MECR: variants seen among roughly 807,000 people sequenced by gnomAD.
MECR encodes the protein enoyl-[acyl-carrier-protein] reductase, mitochondrial.
A neutral mutation model predicts 49.1 loss-of-function variants in MECR; 37 were observed. The ratio of observed to expected loss-of-function variants is 0.75; its 90% confidence interval spans 0.58 to 0.99. The LOEUF (loss-of-function observed/expected upper bound fraction) is 0.99. Ranked by LOEUF, MECR falls within the 50% of genes least tolerant of loss-of-function variation. MECR has a pLI of 0.00. For missense variants in MECR, 470 were observed against 479.6 expected (o/e 0.98, Z 0.19); for synonymous variants, 198 against 191.1 (o/e 1.04, Z -0.30).
chr1:29,170,817 C>T, the MECR span: 6 of 152,106 alleles, frequency 3.9e-5, no homozygotes, highest in Non-Finnish European at 8.8e-5. Flanking sequence ...ACTTCCTCTT[C>T]TCTCTAGGTC....
chr1:29,229,125 G>A (rs1407103502), intron 1 of MECR: 1 of 152,108 alleles, frequency 6.6e-6, no homozygotes, highest in Admixed American at 6.5e-5. Context: ...TTTCTATAAT[G>A]CGGGATGTGG....
chr1:29,198,356 T>C (rs1483960978), intron 7 of MECR, among the ~76,000 whole-genome samples: 1 of 152,222 alleles, frequency 6.6e-6, no homozygotes, highest in Non-Finnish European at 1.5e-5. Context: ...AGGCCTGGAT[T>C]GTTTTTCACG....
chr1:29,187,025 C>T, the MECR span, among the ~76,000 whole-genome samples: 1 of 152,182 alleles, frequency 6.6e-6, no homozygotes, highest in Non-Finnish European at 1.5e-5. Flanking sequence ...CAGGAATGTT[C>T]CTGCCTTCAG....
chr1:29,193,893 T>A lies in MECR; in HGVS notation c.*129A>T, dbSNP rs1673327918. The A allele has an allele frequency of 8.6e-7, 1 of 1,167,456 alleles. No homozygotes were observed. The highest frequency in any genetic ancestry group is 1.5e-5 in the African/African-American group (1 of 64,868). The allele number at this position is 1,167,456 out of a possible 1,614,324, so 72.3% of individuals were successfully genotyped here. On this transcript the variant is annotated 3_prime_UTR_variant, in exon 10 of 10. Transcript: ENST00000263702. ...GGGAAAACCGTGGCTGGCTTCACCA[T>A]CCTCCTAATAGGAAGAGGCAGTGAG...
chr1:29,205,891 G>A (rs1676467923), intron 4 of MECR, among the ~76,000 whole-genome samples: 1 of 152,068 alleles, frequency 6.6e-6, no homozygotes, highest in Non-Finnish European at 1.5e-5. Flanking sequence ...CTCCATCTCT[G>A]TCTCACTCTC....
At chr1:29,226,310 G>C (rs1231088901) in intron 1 of MECR, among the ~76,000 whole-genome samples, 1 of 152,172 alleles carries the variant, frequency 6.6e-6, no homozygotes, top group Admixed American at 6.5e-5. Context: ...CAAAAGCCTC[G>C]GGATCCTGAA....
Position 29,230,801 on chromosome 1 carries a change from C to A in MECR, c.106G>T (p.Ala36Ser). The A allele has an allele frequency of 6.2e-7, 1 of 1,606,536 alleles. No homozygotes were observed. Among genetic ancestry groups the A allele is most frequent in the Non-Finnish European group, 8.5e-7 (1 of 1,177,476 alleles). The part of the protein sequence containing the change: ...CHGPAASSYS[A>S]SAEPARVRAL... Reference sequence around the variant, plus strand: ...CGGACCCGGGCAGGCTCGGCGGATGCGGAGTAGGAGGAGGCGGCAGGTCCG... The same window carrying A: ...CGGACCCGGGCAGGCTCGGCGGATGAGGAGTAGGAGGAGGCGGCAGGTCCG... Residue 36 changes from alanine to serine, a missense_variant, in exon 1 of 10, where the codon GCA (alanine) becomes TCA (serine). Ala to Ser is a moderately conservative substitution (Grantham distance 99). Coordinates refer to ENST00000263702, the MANE Select transcript of MECR (RefSeq NM_016011.5).
chr1:29,206,674 T>G, intron 4 of MECR, 88 bp downstream of exon 4: 1 of 1,497,912 alleles, frequency 6.7e-7, no homozygotes, highest in South Asian at 1.2e-5. Flanking sequence ...ACCTCCACCT[T>G]GCAAGTTCTC....
the MECR span, among the ~76,000 whole-genome samples, chr1:29,180,198 CCA>C: frequency 6.6e-6 from 1 of 152,278 alleles, no homozygotes; most frequent in Admixed American, 6.5e-5. Context: ...GCTTCAAAAT[CCA>C]CACTTTGTCC....
the MECR span, among the ~76,000 whole-genome samples, chr1:29,177,443 G>A: frequency 1.2e-4 from 18 of 152,020 alleles, no homozygotes; most frequent in Non-Finnish European, 2.4e-4. Flanking sequence ...CACGACGCCC[G>A]GCTAACTTTG....
chr1:29,220,041 C>T lies in MECR; in HGVS notation c.177-3356G>A, dbSNP rs143709414. Among the ~76,000 whole-genome samples, 462 of 152,194 alleles carry T rather than the reference C, an allele frequency of 3.0e-3. 2 individuals carry two copies. The highest frequency in any genetic ancestry group is 8.2e-3 in the African/African-American group (340 of 41,532). On this transcript the variant is annotated intron_variant, in intron 1 of 9. Transcript: ENST00000263702. ...GCAGAGAAGTTTTAGTCTTAACTCACTGTTGAGCAAATGTCTGGGATCGAA... is the reference window on the plus strand; with the variant it reads ...GCAGAGAAGTTTTAGTCTTAACTCATTGTTGAGCAAATGTCTGGGATCGAA...
chr1:29,185,890 G>T, the MECR span, among the ~76,000 whole-genome samples: 2 of 152,084 alleles, frequency 1.3e-5, no homozygotes, highest in Non-Finnish European at 2.9e-5. Flanking sequence ...AGGCTGAGAT[G>T]GGGGGGATCT....
At chr1:29,230,547 C>A (rs1430274448) in intron 1 of MECR, 184 bp downstream of exon 1, 28 of 631,778 alleles carry the variant, frequency 4.4e-5, no homozygotes, top group African/African-American at 1.9e-5. Flanking sequence ...AATTGCCTCT[C>A]GGGTCTTCAG....
Position 29,206,669 on chromosome 1 carries a change from C to T in MECR, c.550+93G>A, listed in dbSNP as rs1676651340. The T allele has an allele frequency of 4.1e-6, 6 of 1,469,632 alleles. No individual in the cohort carries two copies. In the South Asian group the frequency reaches 7.6e-5, roughly 19 times the overall value. 91.0% of individuals were successfully genotyped at this position (1,469,632 alleles called of 1,614,324 possible). On this transcript the variant is annotated intron_variant, in intron 4 of 9. Transcript: ENST00000263702. The stretch of plus-strand genomic sequence containing the variant: ...AGGTCCATCACCCCCTCAAAACCTC[C>T]ACCTTGCAAGTTCTCCTGGCCTTGG...
chr1:29,223,345 T>A, intron 1 of MECR: 1 of 922,018 alleles, frequency 1.1e-6, no homozygotes, highest in Non-Finnish European at 1.3e-6. Flanking sequence ...GCCAGTACCC[T>A]GGGGACTGGC....
chr1:29,201,377 G>A lies in MECR; in HGVS notation c.756+566C>T, dbSNP rs1259974029. On this transcript the variant is annotated intron_variant, in intron 6 of 9. Coordinates refer to ENST00000263702, the MANE Select transcript of MECR (RefSeq NM_016011.5). This position sits in a 1 kb window ranked among gnomAD's most constrained non-coding sequence, Gnocchi z 4.3. The stretch of plus-strand genomic sequence containing the variant: ...GGCTGAGGGTCTGGTCACTTACTAG[G>A]CATGTTGTGGGGTGGAGGTTCTGGA... 1 of 532,642 alleles carries A rather than the reference G, an allele frequency of 1.9e-6. No homozygotes were observed. Among genetic ancestry groups the A allele is most frequent in the African/African-American group, 1.9e-5 (1 of 51,942 alleles). 33.0% of individuals were successfully genotyped at this position (532,642 alleles called of 1,614,324 possible).
intron 2 of MECR, 148 bp from the exon 3 acceptor site, chr1:29,216,284 T>A: frequency 1.1e-6 from 1 of 875,898 alleles, no homozygotes. Context: ...TGCTTGTCTG[T>A]ATAGGGGGAC....
intron 4 of MECR, among the ~76,000 whole-genome samples, chr1:29,204,893 A>G (rs969388387): frequency 6.6e-6 from 1 of 152,210 alleles, no homozygotes; most frequent in African/African-American, 2.4e-5. Flanking sequence ...AGAAACCTAT[A>G]TTTCTCTTGT....
chr1:29,209,452 G>C (rs552289098), intron 3 of MECR, among the ~76,000 whole-genome samples: 1 of 152,180 alleles, frequency 6.6e-6, no homozygotes, highest in Non-Finnish European at 1.5e-5. Context: ...TATGCTTTAA[G>C]ATCACTTTAT....
Sources: allele counts gnomAD v4.1 joint callset (sites outside exome capture counted in the v4.1 genomes callset), GRCh38; gene constraint gnomAD v4.1.1; non-coding constraint Gnocchi (gnomAD v3.1); transcripts MANE v1.5; gene names NCBI Gene and HGNC (gene_info 2026-07-23, HGNC 2026-07-21).